ZBTB14: variants seen among roughly 807,000 people sequenced by gnomAD.
ZBTB14 encodes the protein zinc finger and BTB domain-containing protein 14.
In ZBTB14, 8 loss-of-function variants were observed where a neutral mutation model predicts 29.5. That is an observed-to-expected ratio of 0.27 (90% CI 0.16 to 0.49). The LOEUF is 0.49. ZBTB14 is among the 20% of genes least tolerant of loss of function. The pLI is 0.99. For synonymous variants in ZBTB14, 226 were observed against 207.2 expected, an observed-to-expected ratio of 1.09 and a Z score of -0.78; for missense variants, 333 against 563.8, an observed-to-expected ratio of 0.59 and a Z score of 4.15.
In ZBTB14 at chr18:5,290,663, A is replaced by G; in HGVS notation, c.*195T>C. On this transcript the variant is annotated 3_prime_UTR_variant, in exon 4 of 4. Coordinates refer to ENST00000651870, the MANE Select transcript of ZBTB14 (RefSeq NM_001243702.2). ...ATACTAGACACCAGACAAGACAGTG[A>G]AACGGTTTGGTCAGAACTGAGGAAC... is the stretch of plus-strand genomic sequence containing the variant. The G allele has an allele frequency of 1.3e-6, 1 of 751,104 alleles. No individual in the cohort carries two copies. Among genetic ancestry groups the G allele is most frequent in the East Asian group, 2.8e-5 (1 of 35,882 alleles). 46.5% of individuals were successfully genotyped at this position (751,104 alleles called of 1,614,324 possible). A position where few individuals can be genotyped will look rare whatever the true frequency, so the allele number is the denominator to read the frequency against.
intron 3 of ZBTB14, among the ~76,000 whole-genome samples, chr18:5,292,997 T>C (rs1010769180): frequency 1.3e-5 from 2 of 152,218 alleles, no homozygotes; most frequent in South Asian, 2.1e-4. Flanking sequence ...ACTTGATAAG[T>C]GCTGAGAGTA....
In ZBTB14 at chr18:5,290,784, C is replaced by A; in HGVS notation, c.*74G>T. 6.5e-7 allele frequency: 1 copy of A among 1,541,672 alleles called. No homozygotes were observed. The highest frequency in any genetic ancestry group is 1.8e-4 in the Middle Eastern group (1 of 5,686). On this transcript the variant is annotated 3_prime_UTR_variant, in exon 4 of 4. Transcript: ENST00000651870. The stretch of plus-strand genomic sequence containing the variant: ...ATACGTTTCCACAAAAATATTGTAA[C>A]TGGCATTCACTCATTATGATCCACG...
rs775346339 is a variant in ZBTB14, at chr18:5,291,811, G to A, written c.397C>T (p.Pro133Ser). The change falls in exon 4 of 4, where the codon CCC becomes TCC. Residue 133 changes from proline (P) to serine (S), a missense_variant. By Grantham distance (74) the Pro-to-Ser change is moderately conservative. Around this residue, in one of 3 missense-constraint regions of ZBTB14, gnomAD observed 126 missense variants for 132.2 expected, o/e 0.95. Coordinates refer to ENST00000651870, the MANE Select transcript of ZBTB14 (RefSeq NM_001243702.2). This position sits in a 1 kb window ranked among gnomAD's most constrained non-coding sequence, Gnocchi z 5.8. ...TTGGACTGACCATTGTTTTCATCGG[G>A]ACTGGACACATCACGCTTCTGAGAA... is the stretch of plus-strand genomic sequence containing the variant. ...LCSQKRDVSS[P>S]DENNGQSKSK... The A allele has an allele frequency of 1.2e-6, 2 of 1,613,942 alleles. No individual in the cohort carries two copies. The highest frequency in any genetic ancestry group is 1.1e-5 in the South Asian group (1 of 91,036).
intron 3 of ZBTB14, 121 bp from the exon 4 acceptor site, chr18:5,292,325 G>C: frequency 1.2e-6 from 1 of 863,326 alleles, no homozygotes; most frequent in Non-Finnish European, 1.7e-6. Flanking sequence ...TCAATGTTAA[G>C]AGTGGTCTTT....
chr18:5,293,162 G>A lies in ZBTB14; in HGVS notation c.3+82C>T, dbSNP rs1432854460. 2.1e-6 allele frequency: 3 copies of A among 1,438,596 alleles called. No homozygotes were observed. The East Asian group carries it at 6.9e-5, about 33-fold the overall frequency. The allele number at this position is 1,438,596 out of a possible 1,614,324, so 89.1% of individuals were successfully genotyped here. A position where few individuals can be genotyped will look rare whatever the true frequency, so the allele number is the denominator to read the frequency against. ...CCCCCAGACAAATAGAAGTGTTCAT[G>A]CACAATCAGAATTGGTATATATATT... On this transcript the variant is annotated intron_variant, in intron 3 of 3. Transcript: ENST00000651870.
At position 5,290,509 on chromosome 18, in the gene ZBTB14, C is replaced by T. The variant is rs919845275; in HGVS notation, c.*349G>A. 5 of 231,598 alleles carry T rather than the reference C, an allele frequency of 2.2e-5. 1 individual carries two copies. The highest frequency in any genetic ancestry group is 1.0e-4 in the Admixed American group (2 of 19,796). 14.3% of individuals were successfully genotyped at this position (231,598 alleles called of 1,614,324 possible). A position where few individuals can be genotyped will look rare whatever the true frequency, so the allele number is the denominator to read the frequency against. ...AATTTACTTATTACTCTGTGCAGGG[C>T]ACTTGCTAGGGTGGTGAGTGTAAAG... On this transcript the variant is annotated 3_prime_UTR_variant, in exon 4 of 4. Coordinates refer to ENST00000651870, the MANE Select transcript of ZBTB14 (RefSeq NM_001243702.2).
At chr18:5,295,195 G>GCCGCGCCCCGCT (rs1482072023) in intron 1 of ZBTB14, among the ~76,000 whole-genome samples, 3 of 144,364 alleles carry the variant, frequency 2.1e-5, no homozygotes, top group African/African-American at 7.5e-5. Flanking sequence ...CCCGCGCCGC[G>GCCGCGCCCCGCT]CCGCGCCCCG....
upstream of ZBTB14, among the ~76,000 whole-genome samples, chr18:5,296,620 C>T (rs1478141092): frequency 6.6e-6 from 1 of 152,074 alleles, no homozygotes; most frequent in African/African-American, 2.4e-5. Flanking sequence ...TTGCCGCCGG[C>T]ACATTGAGTT....
chr18:5,293,444 G>A (rs116351410), intron 2 of ZBTB14, 117 bp from the exon 3 acceptor site: 46 of 601,824 alleles, frequency 7.6e-5, no homozygotes, highest in Middle Eastern at 3.0e-4. Context: ...GCATTTTCAG[G>A]TTGGGGAGAG....
At chr18:5,295,118 G>A (rs2071918459) in intron 1 of ZBTB14, among the ~76,000 whole-genome samples, 3 of 149,548 alleles carry the variant, frequency 2.0e-5, no homozygotes, top group Admixed American at 6.6e-5. Flanking sequence ...GCGCAGGGAG[G>A]GACTGCGGCC....
At position 5,291,311 on chromosome 18, in the gene ZBTB14, G is replaced by A. The variant is rs749766580; in HGVS notation, c.897C>T (p.His299=). Residue 299 remains histidine, a synonymous_variant, in exon 4 of 4, where the codon CAC becomes CAT. Transcript: ENST00000651870. This position sits in a 1 kb window ranked among gnomAD's most constrained non-coding sequence, Gnocchi z 5.8. ...EGRLRKHEKL[H]TADRPFVCEM... ...CACAAACAAATGGCCTGTCCGCCGT[G>A]TGGAGTTTCTCATGCTTCCTCAATC... 6.2e-7 allele frequency: 1 copy of A among 1,614,228 alleles called. No individual in the cohort carries two copies. The highest frequency in any genetic ancestry group is 8.5e-7 in the Non-Finnish European group (1 of 1,180,040).
chr18:5,296,349 C>T (rs1320980669), upstream of ZBTB14, among the ~76,000 whole-genome samples: 5 of 150,224 alleles, frequency 3.3e-5, no homozygotes, highest in Non-Finnish European at 4.5e-5. Flanking sequence ...CGCGGACACC[C>T]GCCCCGCCTC....
At chr18:5,295,736 CCCCGCCA>C (rs1471140659), upstream of ZBTB14, 6 of 151,442 alleles carry the variant, frequency 4.0e-5, no homozygotes, top group African/African-American at 9.8e-5. Flanking sequence ...TTCCGGGCCG[CCCCGCCA>C]GCCGCCGGCC....
At position 5,289,384 on chromosome 18, in the gene ZBTB14, T is replaced by C. The variant is rs996972138; in HGVS notation, c.*1474A>G. ...GGTGTTAATGCAACAAGCTATGAAG[T>C]GAAATTACTTTAATTTTTTTAAAAG... On this transcript the variant is annotated 3_prime_UTR_variant, in exon 4 of 4. Transcript: ENST00000651870. 1.3e-5 allele frequency: 2 copies of C among 152,212 alleles called. No homozygotes were observed. Among genetic ancestry groups the C allele is most frequent in the Non-Finnish European group, 2.9e-5 (2 of 68,020 alleles). 9.4% of individuals were successfully genotyped at this position (152,212 alleles called of 1,614,324 possible).
Position 5,290,815 on chromosome 18 carries a change from TCA to T in ZBTB14, c.*41_*42del. The T allele has an allele frequency of 1.3e-6, 2 of 1,583,992 alleles. No homozygotes were observed. Among genetic ancestry groups the T allele is most frequent in the Non-Finnish European group, 1.7e-6 (2 of 1,166,016 alleles). ...TTCACTCATTATGATCCACGTCATC[TCA>T]GTCTCCACTTTCCAGGCAAAGTGTC... On this transcript the variant is annotated 3_prime_UTR_variant, in exon 4 of 4. Coordinates refer to ENST00000651870, the MANE Select transcript of ZBTB14 (RefSeq NM_001243702.2).
rs1347633219 is a variant in ZBTB14 at position 5,289,029 on chromosome 18, A to AT, written c.*1828dup. The AT allele has an allele frequency of 6.6e-6, 1 of 152,198 alleles. No homozygotes were observed. The highest frequency in any genetic ancestry group is 1.5e-5 in the Non-Finnish European group (1 of 68,036). The allele number at this position is 152,198 out of a possible 1,614,324, so 9.4% of individuals were successfully genotyped here. A position where few individuals can be genotyped will look rare whatever the true frequency, so the allele number is the denominator to read the frequency against. On this transcript the variant is annotated 3_prime_UTR_variant, in exon 4 of 4. Coordinates refer to ENST00000651870, the MANE Select transcript of ZBTB14 (RefSeq NM_001243702.2). The stretch of plus-strand genomic sequence containing the variant: ...AAATGAAAAGAGGAATGATAGAAGT[A>AT]TATTTTCTTTTATATACAAAAAATG...
chr18:5,290,666 C>A lies in ZBTB14; in HGVS notation c.*192G>T. The A allele has an allele frequency of 1.3e-6, 1 of 752,774 alleles. No homozygotes were observed. Among genetic ancestry groups the A allele is most frequent in the South Asian group, 2.2e-5 (1 of 45,790 alleles). The allele number at this position is 752,774 out of a possible 1,614,324, so 46.6% of individuals were successfully genotyped here. On this transcript the variant is annotated 3_prime_UTR_variant, in exon 4 of 4. Coordinates refer to ENST00000651870, the MANE Select transcript of ZBTB14 (RefSeq NM_001243702.2). ...CTAGACACCAGACAAGACAGTGAAA[C>A]GGTTTGGTCAGAACTGAGGAACACC...
At chr18:5,296,191 A>C (rs2143282378), upstream of ZBTB14, 1 of 150,840 alleles carries the variant, frequency 6.6e-6, no homozygotes, top group East Asian at 2.0e-4. Context: ...TTCGTTGGAG[A>C]CTACGGGGCC....
In ZBTB14 at chr18:5,289,800, CACT is replaced by C. The variant is rs1050937063; in HGVS notation, c.*1055_*1057del. ...TTTTACTTGAAATACGTAAGACCAA[CACT>C]ACTATTTACACACTTAAAAGATTTT... On this transcript the variant is annotated 3_prime_UTR_variant, in exon 4 of 4. Transcript: ENST00000651870. 112 of 152,766 alleles carry C rather than the reference CACT, an allele frequency of 7.3e-4. No homozygotes were observed. Among genetic ancestry groups the C allele is most frequent in the Non-Finnish European group, 6.3e-4 (43 of 68,044 alleles). The allele number at this position is 152,766 out of a possible 1,614,324, so 9.5% of individuals were successfully genotyped here. A position where few individuals can be genotyped will look rare whatever the true frequency, so the allele number is the denominator to read the frequency against.
Sources: gnomAD v4.1 joint callset for allele counts (sites outside exome capture counted in the v4.1 genomes callset) on GRCh38, gnomAD v4.1.1 for gene constraint, gnomAD v4.1.1 regional missense constraint, Gnocchi (gnomAD v3.1) non-coding constraint, MANE v1.5 for transcripts, NCBI Gene and HGNC (gene_info 2026-07-23, HGNC 2026-07-21) for gene names.